The following LAMA2 variants were observed in gnomAD, a reference collection of about 807,000 sequenced individuals.
LAMA2 encodes laminin subunit alpha-2.
A neutral mutation model predicts 364.8 loss-of-function variants in LAMA2; 269 were observed. The observed-to-expected ratio is 0.74, with a 90% confidence interval of 0.67 to 0.82. LAMA2 has a LOEUF of 0.82. LAMA2 is among the 40% of genes least tolerant of loss of function. The pLI, the probability that LAMA2 is intolerant of heterozygous loss-of-function variation, is 0.00. For synonymous variants in LAMA2, 1,379 were observed against 1,370.6 expected (o/e 1.01, Z -0.14); for missense variants, 3,807 against 3,873.2 (o/e 0.98, Z 0.45).
intron 17 of LAMA2, among the ~76,000 whole-genome samples, chr6:129,271,142 A>C (rs1562400196): frequency 6.6e-6 from 1 of 152,188 alleles, no homozygotes; most frequent in Non-Finnish European, 1.5e-5. Context: ...TTCTACCCAT[A>C]CACTATTTTT....
At chr6:128,984,884 T>C (rs950563070) in intron 1 of LAMA2, among the ~76,000 whole-genome samples, 1 of 152,216 alleles carries the variant, frequency 6.6e-6, no homozygotes, top group Non-Finnish European at 1.5e-5. Context: ...GCGTTGAATC[T>C]GGATAGGAAA....
At chr6:129,301,577 C>A (rs1773552006) in intron 22 of LAMA2, among the ~76,000 whole-genome samples, 1 of 152,086 alleles carries the variant, frequency 6.6e-6, no homozygotes, top group Non-Finnish European at 1.5e-5. Context: ...TAGGATGACT[C>A]CTAGGTTTTG....
intron 45 of LAMA2, among the ~76,000 whole-genome samples, chr6:129,449,160 A>G (rs1782538363): frequency 6.6e-6 from 1 of 152,242 alleles, no homozygotes; most frequent in African/African-American, 2.4e-5. Flanking sequence ...AACAGAAAGC[A>G]GGTAATCCAA....
chr6:128,930,109 G>A (rs1258932412), intron 1 of LAMA2: 2 of 288,354 alleles, frequency 6.9e-6, no homozygotes, highest in South Asian at 1.4e-4. Flanking sequence ...CCCGCACAGG[G>A]CGGCGCCGCG....
In LAMA2 at chr6:128,998,435, C is replaced by G. The variant is rs1277398825; in HGVS notation, c.113-51483C>G. Among the ~76,000 whole-genome samples, 65 of 69,440 alleles carry G rather than the reference C, an allele frequency of 9.4e-4. 12 individuals carry two copies. The highest frequency in any genetic ancestry group is 7.3e-3 in the Admixed American group (65 of 8,930). The allele number at this position is 69,440 out of a possible 152,430, so 45.6% of individuals were successfully genotyped here. On this transcript the variant is annotated intron_variant, in intron 1 of 64. Coordinates refer to ENST00000421865, the MANE Select transcript of LAMA2 (RefSeq NM_000426.4). The stretch of plus-strand genomic sequence containing the variant: ...TAGGAACAGCTCCGCTCTACAGCTC[C>G]CAGTGTGAGCGACGCAGAAGACGGT...
Position 129,369,964 on chromosome 6 carries a change from A to G in LAMA2, c.4933A>G (p.Thr1645Ala), listed in dbSNP as rs1248916068. Residue 1645 changes from threonine to alanine, a missense_variant, in exon 34 of 65, where the codon ACC becomes GCC. Transcript: ENST00000421865. Reference sequence around the variant, plus strand: ...AGAGGGCAATCTGAATACACTCGTGACCGAAATGAACGAGCTGCTGACCAG... The same window carrying G: ...AGAGGGCAATCTGAATACACTCGTGGCCGAAATGAACGAGCTGCTGACCAG... Reference protein sequence around the residue: ...LAEGNLNTLVTEMNELLTRAT... With the variant: ...LAEGNLNTLVAEMNELLTRAT... 1 of 1,613,986 alleles carries G rather than the reference A, an allele frequency of 6.2e-7. No homozygotes were observed. The highest frequency in any genetic ancestry group is 8.5e-7 in the Non-Finnish European group (1 of 1,179,976).
chr6:129,168,681 G>GTT (rs1375800685), intron 9 of LAMA2, among the ~76,000 whole-genome samples: 1 of 143,964 alleles, frequency 6.9e-6, no homozygotes, highest in African/African-American at 2.6e-5. Context: ...CTTTAAAGTA[G>GTT]TTTTTTCCAA....
At position 129,460,266 on chromosome 6, in the gene LAMA2, C is replaced by T. The variant is rs763907570; in HGVS notation, c.6934C>T (p.Pro2312Ser). 6.2e-7 allele frequency: 1 copy of T among 1,612,016 alleles called. No individual in the cohort carries two copies. The highest frequency in any genetic ancestry group is 1.1e-5 in the South Asian group (1 of 91,044). The change falls in exon 49 of 65, where the codon CCT (proline) becomes TCT (serine). Residue 2312 changes from proline (P) to serine (S), a missense_variant. This residue lies in a region of LAMA2 where 3,333 missense variants were observed against 3,345.7 expected (regional missense o/e 1.00). Transcript: ENST00000421865. The stretch of plus-strand genomic sequence containing the variant: ...GGGAGAAACATACTTTGACAACAAA[C>T]CTATAGGTTTGTGGAATTTCCGAGA... ...CMGETYFDNK[P>S]IGLWNFREKE...
chr6:129,087,154 C>T (rs1478643055), intron 3 of LAMA2, among the ~76,000 whole-genome samples: 1 of 152,096 alleles, frequency 6.6e-6, no homozygotes, highest in African/African-American at 2.4e-5. Flanking sequence ...TCACAGGTTC[C>T]AAGAATTAAA....
At position 129,485,557 on chromosome 6, in the gene LAMA2, C is replaced by T. The variant is rs972951915; in HGVS notation, c.7750-917C>T. Among the ~76,000 whole-genome samples the T allele has an allele frequency of 4.6e-5, 7 of 151,972 alleles. No homozygotes were observed. In the East Asian group the frequency reaches 5.8e-4, roughly 13 times the overall value. On this transcript the variant is annotated intron_variant, in intron 55 of 64. Transcript: ENST00000421865. ...ATTTCAAAGCTAACGGTTTTGATAC[C>T]CATAGAGTTATTTGTGATTCCTTTC...
chr6:129,336,565 A>G (rs1009720345), intron 29 of LAMA2, among the ~76,000 whole-genome samples: 2 of 152,208 alleles, frequency 1.3e-5, no homozygotes, highest in Admixed American at 6.5e-5. Context: ...AGACAAGATT[A>G]TTTCTTCTTT....
chr6:129,154,798 T>G (rs1779010250), intron 8 of LAMA2, 115 bp downstream of exon 8: 2 of 843,334 alleles, frequency 2.4e-6, no homozygotes, highest in Admixed American at 4.3e-5. Context: ...AACTTCAAAT[T>G]AAAAGGTAAG....
At chr6:129,402,164 G>A (rs1004492237) in intron 38 of LAMA2, among the ~76,000 whole-genome samples, 160 bp from the exon 39 acceptor site, 46 of 142,908 alleles carry the variant, frequency 3.2e-4, no homozygotes, top group Admixed American at 6.5e-4. Flanking sequence ...AGCTGAGATC[G>A]CACCACTGCA....
At chr6:129,255,030 T>C (rs1193000487) in intron 14 of LAMA2, among the ~76,000 whole-genome samples, 2 of 147,438 alleles carry the variant, frequency 1.4e-5, no homozygotes, top group African/African-American at 5.4e-5. Context: ...GTGGTAGAAA[T>C]GATGTATTTT....
chr6:128,929,205 C>A, intron 1 of LAMA2: 1 of 1,490,334 alleles, frequency 6.7e-7, no homozygotes, highest in South Asian at 1.1e-5. Context: ...AGAGCTCCCA[C>A]CCAGCGCCTT....
At chr6:128,957,584 G>C (rs1266081237) in intron 1 of LAMA2, among the ~76,000 whole-genome samples, 1 of 152,082 alleles carries the variant, frequency 6.6e-6, no homozygotes, top group African/African-American at 2.4e-5. Context: ...TTACAGATAT[G>C]TGAGGAGTGC....
chr6:129,087,684 A>G (rs1370932290), intron 3 of LAMA2, among the ~76,000 whole-genome samples: 1 of 152,076 alleles, frequency 6.6e-6, no homozygotes, highest in Non-Finnish European at 1.5e-5. Flanking sequence ...TGAATTTTGC[A>G]AGCAGGTTAT....
At chr6:128,963,906 C>A (rs1031716480) in intron 1 of LAMA2, among the ~76,000 whole-genome samples, 2 of 152,064 alleles carry the variant, frequency 1.3e-5, no homozygotes, top group Non-Finnish European at 2.9e-5. Context: ...GGGAGACATA[C>A]CTTCAGCATT....
chr6:128,883,446 G>C, intron 1 of LAMA2, 89 bp downstream of exon 1: 1 of 1,538,328 alleles, frequency 6.5e-7, no homozygotes, highest in Non-Finnish European at 8.7e-7. Flanking sequence ...GCTGTCTGTG[G>C]ACTGCCGTCT....
Sources: allele counts gnomAD v4.1 joint callset (sites outside exome capture counted in the v4.1 genomes callset), GRCh38; gene constraint gnomAD v4.1.1; regional missense constraint gnomAD v4.1.1; transcripts MANE v1.5; gene names NCBI Gene and HGNC (gene_info 2026-07-23, HGNC 2026-07-21).